TP53I13: variants seen among roughly 807,000 people sequenced by gnomAD.
The protein encoded by TP53I13 is tumor protein p53 inducible protein 13.
Under a neutral mutation model 39.1 loss-of-function variants are expected in TP53I13, and 27 were observed. The observed-to-expected ratio is 0.69, with a 90% CI of 0.51 to 0.95. The LOEUF (loss-of-function observed/expected upper bound fraction) is 0.95. TP53I13 is among the 40% of genes least tolerant of loss of function. The pLI is 0.00. For synonymous variants in TP53I13, 230 were observed against 224.6 expected (o/e 1.02, Z -0.22); for missense variants, 544 against 520.4 (o/e 1.05, Z -0.44).
At chr17:29,578,361 C>T in the TP53I13 span, 27 of 1,614,010 alleles carry the variant, frequency 1.7e-5, no homozygotes, top group Non-Finnish European at 2.2e-5. Context: ...CTCAAAAAGC[C>T]GGTTGCTGAG....
the TP53I13 span, among the ~76,000 whole-genome samples, chr17:29,580,373 G>C: frequency 2.6e-5 from 4 of 152,342 alleles, no homozygotes; most frequent in African/African-American, 9.6e-5. Context: ...AGTCGCCCAG[G>C]CCTGGTTATG....
the TP53I13 span, among the ~76,000 whole-genome samples, chr17:29,579,871 A>G: frequency 6.6e-6 from 1 of 152,186 alleles, no homozygotes; most frequent in African/African-American, 2.4e-5. Context: ...GCCAGTAAGC[A>G]GCAGAGATGA....
upstream of TP53I13, chr17:29,566,644 G>A (rs997562937): frequency 8.7e-6 from 14 of 1,605,804 alleles, no homozygotes; most frequent in Non-Finnish European, 1.2e-5. Flanking sequence ...GTGGCAGAGG[G>A]TCTGCAGGTG....
At chr17:29,580,918 T>C in the TP53I13 span, 2 of 214,858 alleles carry the variant, frequency 9.3e-6, no homozygotes, top group Non-Finnish European at 1.9e-5. Flanking sequence ...GTAGCTGAGA[T>C]ACAGGCATGC....
the TP53I13 span, among the ~76,000 whole-genome samples, chr17:29,580,392 C>T: frequency 6.6e-6 from 1 of 152,238 alleles, no homozygotes; most frequent in African/African-American, 2.4e-5. Flanking sequence ...TGCCCATCTG[C>T]CCACACAGGC....
chr17:29,572,052 G>A lies in TP53I13; in HGVS notation c.508G>A (p.Val170Met). The change falls in exon 5 of 7, where the codon GTG (valine) becomes ATG (methionine). Residue 170 changes from valine to methionine, a missense_variant. Physicochemically the swap from Val to Met is conservative, Grantham distance 21 (BLOSUM62 1). Coordinates refer to ENST00000301057, the MANE Select transcript of TP53I13 (RefSeq NM_138349.4). ...AGGGAGGCTGTGCCGAAGAGGGTGT[G>A]TGCAGGTGAGAGACGCTGGGCCCAG... is the stretch of plus-strand genomic sequence containing the variant. ...GRGRLCRRGCVQALALAFALR... is the reference protein window; with the variant it reads ...GRGRLCRRGCMQALALAFALR... The A allele has an allele frequency of 1.2e-6, 2 of 1,613,096 alleles. No homozygotes were observed. The highest frequency in any genetic ancestry group is 1.7e-6 in the Non-Finnish European group (2 of 1,180,016).
chr17:29,576,712 C>T (rs1345562217), downstream of TP53I13: 1 of 1,611,268 alleles, frequency 6.2e-7, no homozygotes, highest in Admixed American at 1.7e-5. Flanking sequence ...CACCTGGGGG[C>T]AGGGAGGCCA....
At chr17:29,576,214 A>G, downstream of TP53I13, 1 of 1,605,588 alleles carries the variant, frequency 6.2e-7, no homozygotes, top group Non-Finnish European at 8.5e-7. Flanking sequence ...CCCATAGGTG[A>G]CTCACAGTGC....
downstream of TP53I13, chr17:29,577,765 G>C (rs751371178): frequency 1.4e-6 from 2 of 1,469,652 alleles, no homozygotes; most frequent in Admixed American, 1.7e-5. Flanking sequence ...GACAGGAGCA[G>C]ATCAGCCACG....
rs1410216315 is a variant in TP53I13, at chr17:29,573,064, T to C, written c.*140T>C. 4.7e-6 allele frequency: 3 copies of C among 635,066 alleles called. No individual in the cohort carries two copies. The highest frequency in any genetic ancestry group is 1.9e-5 in the African/African-American group (1 of 51,740). 39.3% of individuals were successfully genotyped at this position (635,066 alleles called of 1,614,324 possible). A position where few individuals can be genotyped will look rare whatever the true frequency, so the allele number is the denominator to read the frequency against. On this transcript the variant is annotated 3_prime_UTR_variant, in exon 7 of 7. Coordinates refer to ENST00000301057, the MANE Select transcript of TP53I13 (RefSeq NM_138349.4). ...CGAGCACTGCGGGGGCTTTCCTCCT[T>C]GTTGGTTGCTGAGTGGGCGGCCAAG...
rs747094378 is a variant in TP53I13, at chr17:29,572,739, A to G, written c.1069+42A>G. On this transcript the variant is annotated intron_variant, in intron 6 of 6. Transcript: ENST00000301057. ...CTACCCTACCCGAGGCCCCCGCCCC[A>G]CCTCGCGTCGCCCGCCGCCCCCCGT... 1.3e-3 allele frequency: 1,372 copies of G among 1,022,062 alleles called. 14 individuals carry two copies. In the African/African-American group the frequency reaches 0.024, roughly 18 times the overall value. 63.3% of individuals were successfully genotyped at this position (1,022,062 alleles called of 1,614,324 possible).
At chr17:29,574,644 GC>G, downstream of TP53I13, 1 of 1,345,096 alleles carries the variant, frequency 7.4e-7, no homozygotes. Context: ...GTCTGGAGTG[GC>G]CCAGCTCCTA....
chr17:29,570,652 G>T (rs1438020781), intron 3 of TP53I13: 1 of 151,728 alleles, frequency 6.6e-6, no homozygotes, highest in Non-Finnish European at 1.5e-5. Flanking sequence ...CCACCTTATC[G>T]TGGCCATATT....
the TP53I13 span, chr17:29,579,004 G>C: frequency 1.9e-6 from 3 of 1,613,478 alleles, no homozygotes. Flanking sequence ...TCCAGAGGAA[G>C]GCAGCAGAGG....
chr17:29,581,727 C>G, the TP53I13 span: 4 of 1,603,402 alleles, frequency 2.5e-6, no homozygotes. The surrounding 1 kb of genome is among the most constrained non-coding windows in gnomAD (Gnocchi z 4.8). Context: ...CAGGCGCCCC[C>G]CAAGCTCTGC....
At chr17:29,577,820 C>A, downstream of TP53I13, 1 of 866,954 alleles carries the variant, frequency 1.2e-6, no homozygotes. Context: ...CTGAGCCCAG[C>A]CTTCCTAGCT....
chr17:29,574,594 G>C (rs745964877), downstream of TP53I13: 15 of 963,752 alleles, frequency 1.6e-5, no homozygotes, highest in Non-Finnish European at 1.8e-5. Context: ...GCAGCACTAA[G>C]GGCACTTGTG....
At chr17:29,571,271 G>A in intron 3 of TP53I13, 1 of 333,374 alleles carries the variant, frequency 3.0e-6, no homozygotes, top group South Asian at 4.3e-5. Context: ...TTATGGCTTG[G>A]ATTGTGGACC....
chr17:29,579,014 G>A, the TP53I13 span: 4 of 1,612,696 alleles, frequency 2.5e-6, no homozygotes, highest in Admixed American at 5.0e-5. Context: ...GGCAGCAGAG[G>A]GAAGAACAGG....
Sources: gnomAD v4.1 joint callset for allele counts (sites outside exome capture counted in the v4.1 genomes callset) on GRCh38, gnomAD v4.1.1 for gene constraint, Gnocchi (gnomAD v3.1) non-coding constraint, MANE v1.5 for transcripts, NCBI Gene and HGNC (gene_info 2026-07-23, HGNC 2026-07-21) for gene names.